Variants in SRL observed in about 807,000 individuals in gnomAD.
SRL encodes the protein sarcalumenin.
A neutral mutation model predicts 39.5 loss-of-function variants in SRL; 23 were observed. The observed-to-expected ratio is 0.58, with a 90% CI of 0.42 to 0.82. SRL has a LOEUF of 0.82. Ranked by LOEUF, SRL falls within the 40% of genes least tolerant of loss-of-function variation. The pLI, the probability that SRL is intolerant of heterozygous loss-of-function variation, is 0.00. For missense variants in SRL, 592 were observed against 607.8 expected (o/e 0.97, Z 0.27); for synonymous variants, 272 against 237.4 (o/e 1.15, Z -1.34).
At chr16:4,210,656 T>A (rs1329945459) in intron 1 of SRL, among the ~76,000 whole-genome samples, 1 of 152,086 alleles carries the variant, frequency 6.6e-6, no homozygotes, top group African/African-American at 2.4e-5. Flanking sequence ...TTAATTTTTG[T>A]ATTTTTAATA....
intron 1 of SRL, among the ~76,000 whole-genome samples, chr16:4,210,635 C>T (rs113265634): frequency 1.4e-4 from 22 of 151,802 alleles, no homozygotes; most frequent in African/African-American, 4.3e-4. Context: ...GAATTACAGG[C>T]GCATGCTAAG....
chr16:4,235,303 C>A (rs2052703786), intron 1 of SRL, among the ~76,000 whole-genome samples: 1 of 152,204 alleles, frequency 6.6e-6, no homozygotes, highest in Non-Finnish European at 1.5e-5. Flanking sequence ...AAGTGAGTCC[C>A]ACCAATGGGA....
chr16:4,208,698 C>G (rs1464407468), intron 1 of SRL, among the ~76,000 whole-genome samples: 2 of 152,212 alleles, frequency 1.3e-5, no homozygotes, highest in African/African-American at 4.8e-5. Context: ...ACTTGTGGCT[C>G]TCAACCTTAT....
chr16:4,217,763 C>T (rs1006445383), intron 1 of SRL, among the ~76,000 whole-genome samples: 2 of 152,248 alleles, frequency 1.3e-5, no homozygotes, highest in African/African-American at 4.8e-5. Flanking sequence ...ATCATTCTTT[C>T]CTAGAAGAGC....
intron 1 of SRL, among the ~76,000 whole-genome samples, chr16:4,212,718 G>A (rs1439145549): frequency 6.6e-6 from 1 of 152,046 alleles, no homozygotes. Context: ...GAGACCATGG[G>A]AAGGCCCCAC....
intron 1 of SRL, among the ~76,000 whole-genome samples, chr16:4,223,609 C>G (rs2052555719): frequency 6.6e-6 from 1 of 151,264 alleles, no homozygotes; most frequent in African/African-American, 2.4e-5. Context: ...TGGTGTCAAA[C>G]TCCTGGGCTC....
rs866651317 is a variant in SRL at position 4,197,658 on chromosome 16, C to G, written c.376+141G>C. ...GCCAGGCTGGTCTCAAACTGACGGC[C>G]TCAAGTGATCCACTGCCTTGGCCTC... On this transcript the variant is annotated intron_variant, in intron 4 of 5. Coordinates refer to ENST00000399609, the MANE Select transcript of SRL (RefSeq NM_001098814.2). The G allele has an allele frequency of 6.0e-5, 41 of 685,154 alleles. No individual in the cohort carries two copies. In the Middle Eastern group the frequency reaches 1.7e-3, roughly 28 times the overall value. The allele number at this position is 685,154 out of a possible 1,614,324, so 42.4% of individuals were successfully genotyped here.
At chr16:4,224,146 G>A (rs535349658) in intron 1 of SRL, among the ~76,000 whole-genome samples, 1 of 151,978 alleles carries the variant, frequency 6.6e-6, no homozygotes, top group Non-Finnish European at 1.5e-5. Context: ...AGAGGAGGAG[G>A]GAGAGAGAGA....
chr16:4,229,613 A>T (rs761550973), intron 1 of SRL, among the ~76,000 whole-genome samples: 57 of 152,048 alleles, frequency 3.7e-4, no homozygotes, highest in Non-Finnish European at 7.5e-4. Context: ...GGAACAATAG[A>T]CACTGTGGAC....
At chr16:4,197,483 A>ACAATCTCAG (rs1244121639) in intron 4 of SRL, among the ~76,000 whole-genome samples, 2 of 133,948 alleles carry the variant, frequency 1.5e-5, no homozygotes, top group Admixed American at 8.9e-5. Context: ...GTGCAGTGGC[A>ACAATCTCAG]CAATCTCAGC....
chr16:4,193,580 C>G (rs1416506930), intron 5 of SRL, among the ~76,000 whole-genome samples: 1 of 152,212 alleles, frequency 6.6e-6, no homozygotes, highest in Non-Finnish European at 1.5e-5. Flanking sequence ...TTAAATGCCT[C>G]TAAGCTCTAC....
At chr16:4,229,913 C>T (rs1016993358) in intron 1 of SRL, among the ~76,000 whole-genome samples, 1 of 152,086 alleles carries the variant, frequency 6.6e-6, no homozygotes, top group South Asian at 2.1e-4. Flanking sequence ...GCTGGGGCCT[C>T]GTGCAGAAGA....
chr16:4,231,560 C>T (rs111960867), intron 1 of SRL, among the ~76,000 whole-genome samples: 1,908 of 152,190 alleles, frequency 0.013, 51 homozygotes, highest in African/African-American at 0.044. Context: ...CCCCGACAAC[C>T]GCTCCCCCTT....
chr16:4,214,330 A>G (rs1325013878), intron 1 of SRL, among the ~76,000 whole-genome samples: 1 of 152,232 alleles, frequency 6.6e-6, no homozygotes, highest in Non-Finnish European at 1.5e-5. Flanking sequence ...CATTTGAACT[A>G]GAGCTAGCAA....
chr16:4,190,699 G>A lies in SRL; in HGVS notation c.*1454C>T, dbSNP rs891077281. Reference sequence around the variant, plus strand: ...TTGAAGGCCCTGGCTTTCCTGCGGTGTGTTCAGTGGACATCTGCATCAAGG... The same window carrying A: ...TTGAAGGCCCTGGCTTTCCTGCGGTATGTTCAGTGGACATCTGCATCAAGG... On this transcript the variant is annotated 3_prime_UTR_variant, in exon 6 of 6. Transcript: ENST00000399609. 3.6e-4 allele frequency: 139 copies of A among 381,394 alleles called. No individual in the cohort carries two copies. The Middle Eastern group carries it at 6.7e-3, about 18-fold the overall frequency. The allele number at this position is 381,394 out of a possible 1,614,324, so 23.6% of individuals were successfully genotyped here.
intron 5 of SRL, 34 bp downstream of exon 5, chr16:4,195,519 A>C (rs763954209): frequency 1.2e-6 from 2 of 1,603,646 alleles, no homozygotes. Context: ...TTTGAAACAG[A>C]GCTTACACTG....
chr16:4,214,024 G>T (rs570645250), intron 1 of SRL, among the ~76,000 whole-genome samples: 1 of 152,286 alleles, frequency 6.6e-6, no homozygotes, highest in South Asian at 2.1e-4. Context: ...AGCTTCTGGG[G>T]CTGGGTCAAC....
chr16:4,195,266 G>A (rs1049929458), intron 5 of SRL, among the ~76,000 whole-genome samples: 4 of 151,786 alleles, frequency 2.6e-5, no homozygotes, highest in Non-Finnish European at 4.4e-5. Flanking sequence ...GCACGATTAC[G>A]GCTCATTGCA....
chr16:4,223,412 C>G (rs1037506104), intron 1 of SRL, among the ~76,000 whole-genome samples: 7 of 151,864 alleles, frequency 4.6e-5, no homozygotes, highest in South Asian at 2.1e-4. Context: ...GAATCTTGCT[C>G]TGTCACTCCA....
Sources: allele counts gnomAD v4.1 joint callset (sites outside exome capture counted in the v4.1 genomes callset), GRCh38; gene constraint gnomAD v4.1.1; transcripts MANE v1.5; gene names NCBI Gene and HGNC (gene_info 2026-07-23, HGNC 2026-07-21).